CDH12: variants seen among roughly 807,000 people sequenced by gnomAD.
CDH12 encodes the protein cadherin-12.
A neutral mutation model predicts 74.1 loss-of-function variants in CDH12; 41 were observed. The observed-to-expected ratio is 0.55, with a 90% CI of 0.43 to 0.72. The LOEUF is 0.72. Among genes scored for constraint, CDH12 ranks in the 30% least tolerant of loss-of-function variants. The pLI is 0.00. For missense variants in CDH12, 945 were observed against 977.2 expected (o/e 0.97, Z 0.44); for synonymous variants, 399 against 355.0 (o/e 1.12, Z -1.39).
chr5:21,898,725 A>C (rs1168481661), intron 6 of CDH12, among the ~76,000 whole-genome samples: 1 of 151,836 alleles, frequency 6.6e-6, no homozygotes, highest in East Asian at 1.9e-4. Context: ...ATAAATATAT[A>C]AATAAATAAA....
At chr5:22,036,332 G>T (rs1014610044) in intron 5 of CDH12, among the ~76,000 whole-genome samples, 3 of 152,158 alleles carry the variant, frequency 2.0e-5, no homozygotes, top group African/African-American at 7.2e-5. Context: ...AGGGACTATA[G>T]ACAGAGTTAC....
intron 3 of CDH12, among the ~76,000 whole-genome samples, chr5:22,248,145 C>G (rs1390460578): frequency 1.3e-5 from 2 of 152,026 alleles, no homozygotes; most frequent in Non-Finnish European, 2.9e-5. Context: ...ACTAATAATA[C>G]AAAAATTAGC....
intron 1 of CDH12, among the ~76,000 whole-genome samples, chr5:22,529,607 T>C (rs1178387896): frequency 6.6e-6 from 1 of 152,118 alleles, no homozygotes; most frequent in East Asian, 1.9e-4. Context: ...GTCTATTTAT[T>C]AGAATGGTAA....
rs1471577741 is a variant in CDH12 at position 22,149,811 on chromosome 5, A to T, written c.-187+62687T>A. ...GGAGTTCAAGACCAGCCTGGCCAAG[A>T]TGGTGAAACCCTGTCTCCACTAAAA... On this transcript the variant is annotated intron_variant, in intron 4 of 14. Transcript: ENST00000382254. Among the ~76,000 whole-genome samples the T allele has an allele frequency of 2.0e-5, 3 of 152,116 alleles. No individual in the cohort carries two copies. In the East Asian group the frequency reaches 5.8e-4, roughly 30 times the overall value.
chr5:22,132,060 T>C (rs1746205557), intron 4 of CDH12, among the ~76,000 whole-genome samples: 1 of 152,100 alleles, frequency 6.6e-6, no homozygotes, highest in African/African-American at 2.4e-5. Context: ...GGAACTTCTT[T>C]TTTTATACTA....
rs535054036 is a variant in CDH12 at position 22,227,545 on chromosome 5, A to G, written c.-332-14902T>C. On this transcript the variant is annotated intron_variant, in intron 3 of 14. Transcript: ENST00000382254. ...AGTGGGAACTTTGAAGAGCTGCTAC[A>G]CTTGAAACCTTAGCTAGTATAATTT... Among the ~76,000 whole-genome samples, 36 of 152,282 alleles carry G rather than the reference A, an allele frequency of 2.4e-4. 1 individual carries two copies. The South Asian group carries it at 4.3e-3, about 18-fold the overall frequency.
intron 5 of CDH12, among the ~76,000 whole-genome samples, chr5:22,028,422 A>T (rs950104890): frequency 2.6e-5 from 4 of 152,176 alleles, no homozygotes; most frequent in Non-Finnish European, 5.9e-5. Context: ...GTCTCAGGAT[A>T]CAAAATCAAT....
intron 1 of CDH12, among the ~76,000 whole-genome samples, chr5:22,610,337 T>A (rs192146693): frequency 2.6e-5 from 4 of 152,292 alleles, no homozygotes; most frequent in Admixed American, 2.6e-4. Flanking sequence ...TTCCATTGAG[T>A]CTTCACATAT....
intron 5 of CDH12, among the ~76,000 whole-genome samples, chr5:21,987,339 A>T (rs1001991845): frequency 2.6e-5 from 4 of 152,184 alleles, no homozygotes; most frequent in African/African-American, 9.6e-5. Context: ...GTAAAACTTT[A>T]AAAATATTTG....
At chr5:22,134,560 C>T (rs2150290772) in intron 4 of CDH12, among the ~76,000 whole-genome samples, 1 of 147,126 alleles carries the variant, frequency 6.8e-6, no homozygotes, top group South Asian at 2.2e-4. Flanking sequence ...TTTTTATAAG[C>T]AGCTGAGTAG....
At chr5:22,417,132 A>C (rs1743427967) in intron 2 of CDH12, among the ~76,000 whole-genome samples, 1 of 152,234 alleles carries the variant, frequency 6.6e-6, no homozygotes, top group Admixed American at 6.5e-5. Context: ...ATTTAAAACA[A>C]TAATAAACCT....
intron 1 of CDH12, among the ~76,000 whole-genome samples, chr5:22,699,287 A>G (rs1580900793): frequency 6.6e-6 from 1 of 151,430 alleles, no homozygotes; most frequent in East Asian, 1.9e-4. Context: ...CTTAAAATAT[A>G]GGTTCATATA....
Position 22,522,118 on chromosome 5 carries a change from T to A in CDH12, c.-522-16754A>T, listed in dbSNP as rs775060926. 8.6e-4 allele frequency among the ~76,000 whole-genome samples: 131 copies of A among 152,192 alleles called. 3 individuals carry two copies. The highest frequency in any genetic ancestry group is 2.0e-4 in the Admixed American group (3 of 15,278). ...TTCATAGTGAATTATTGTTTTTCAGTTATGATAAGACATAGTCATCATTTG... is the reference window on the plus strand; with the variant it reads ...TTCATAGTGAATTATTGTTTTTCAGATATGATAAGACATAGTCATCATTTG... On this transcript the variant is annotated intron_variant, in intron 1 of 14. Transcript: ENST00000382254.
chr5:22,308,459 G>A (rs2150425705), intron 3 of CDH12, among the ~76,000 whole-genome samples: 1 of 152,122 alleles, frequency 6.6e-6, no homozygotes, highest in African/African-American at 2.4e-5. Flanking sequence ...ACCATTAGTT[G>A]TATTATTTTT....
At chr5:22,483,646 G>T (rs2126628341) in intron 2 of CDH12, among the ~76,000 whole-genome samples, 1 of 147,256 alleles carries the variant, frequency 6.8e-6, no homozygotes, top group East Asian at 2.0e-4. Context: ...ATAGGGAACA[G>T]AAATATAGGA....
chr5:22,117,530 A>AT (rs1341274195), intron 4 of CDH12, among the ~76,000 whole-genome samples: 5 of 106,116 alleles, frequency 4.7e-5, no homozygotes, highest in South Asian at 2.6e-4. Context: ...TATAATATAT[A>AT]TATATATATA....
chr5:21,877,754 T>C (rs1383750003), intron 6 of CDH12, among the ~76,000 whole-genome samples: 1 of 152,210 alleles, frequency 6.6e-6, no homozygotes, highest in Non-Finnish European at 1.5e-5. Context: ...AATAAACCAA[T>C]TATTAGCATT....
At chr5:22,674,472 G>GT (rs1308303950) in intron 1 of CDH12, among the ~76,000 whole-genome samples, 1 of 152,264 alleles carries the variant, frequency 6.6e-6, no homozygotes, top group East Asian at 1.9e-4. Flanking sequence ...CCAGTCTCAC[G>GT]TATGTCTTTA....
chr5:22,350,050 T>A (rs1740294689), intron 3 of CDH12, among the ~76,000 whole-genome samples: 1 of 152,240 alleles, frequency 6.6e-6, no homozygotes, highest in African/African-American at 2.4e-5. Context: ...ACGTATACAT[T>A]GTAAGTTCTC....
Sources: allele counts gnomAD v4.1 joint callset (sites outside exome capture counted in the v4.1 genomes callset), GRCh38; gene constraint gnomAD v4.1.1; transcripts MANE v1.5; gene names NCBI Gene and HGNC (gene_info 2026-07-23, HGNC 2026-07-21).